The following STOX2 variants were observed in gnomAD, a reference collection of about 807,000 sequenced individuals.
STOX2 encodes the protein storkhead box 2.
STOX2 carries 28 observed loss-of-function variants against 60.9 expected under a neutral mutation model. That is an observed-to-expected ratio of 0.46 (90% CI 0.34 to 0.63). STOX2 has a LOEUF of 0.63. STOX2 is among the 30% of genes least tolerant of loss of function. The pLI is 0.01. For synonymous variants in STOX2, 472 were observed against 463.9 expected, an observed-to-expected ratio of 1.02 and a Z score of -0.22; for missense variants, 1,024 against 1,187.7, an observed-to-expected ratio of 0.86 and a Z score of 2.03.
At chr4:183,842,522 C>T (rs1047945731) in intron 1 of STOX2, among the ~76,000 whole-genome samples, 4 of 152,064 alleles carry the variant, frequency 2.6e-5, no homozygotes, top group Non-Finnish European at 5.9e-5. Flanking sequence ...GGCAATAATA[C>T]AGGAATGTGA....
chr4:183,909,040 T>C (rs1348186661), intron 1 of STOX2, among the ~76,000 whole-genome samples: 3 of 152,208 alleles, frequency 2.0e-5, no homozygotes, highest in East Asian at 3.8e-4. Flanking sequence ...ATACATGGAA[T>C]AAGAAGCAGG....
intron 1 of STOX2, among the ~76,000 whole-genome samples, chr4:183,935,767 A>G (rs1049197648): frequency 6.6e-6 from 1 of 152,216 alleles, no homozygotes; most frequent in Non-Finnish European, 1.5e-5. Context: ...TGTGCCTGGG[A>G]CTAAGGAGTA....
intron 1 of STOX2, among the ~76,000 whole-genome samples, chr4:183,998,737 T>A (rs1733453844): frequency 6.6e-6 from 1 of 152,190 alleles, no homozygotes; most frequent in South Asian, 2.1e-4. Flanking sequence ...AGATGGGGTC[T>A]CATCATGTTG....
intron 1 of STOX2, among the ~76,000 whole-genome samples, chr4:183,919,532 C>T (rs1742036173): frequency 6.6e-6 from 1 of 152,164 alleles, no homozygotes; most frequent in Admixed American, 6.5e-5. Flanking sequence ...TGCTGGTGTG[C>T]TCCTGAAATG....
intron 1 of STOX2, among the ~76,000 whole-genome samples, chr4:183,826,974 T>C (rs942904935): frequency 1.3e-5 from 2 of 152,188 alleles, no homozygotes; most frequent in African/African-American, 4.8e-5. Context: ...AGGCATTACA[T>C]ATAACATGAC....
chr4:184,014,724 A>T, intron 3 of STOX2: 1 of 152,206 alleles, frequency 6.6e-6, no homozygotes, highest in Non-Finnish European at 1.5e-5. Context: ...CAATAATGAA[A>T]TACATTCTTT....
chr4:183,834,662 T>C (rs1263224445), intron 1 of STOX2, among the ~76,000 whole-genome samples: 3 of 152,248 alleles, frequency 2.0e-5, no homozygotes, highest in African/African-American at 7.2e-5. Context: ...CATGTTCTTT[T>C]GGTCTTACAA....
At chr4:183,919,620 T>C (rs912494824) in intron 1 of STOX2, among the ~76,000 whole-genome samples, 1 of 152,142 alleles carries the variant, frequency 6.6e-6, no homozygotes, top group African/African-American at 2.4e-5. Flanking sequence ...ATTGGGATTG[T>C]TTTTTAAGAT....
intron 1 of STOX2, among the ~76,000 whole-genome samples, chr4:183,932,285 A>T (rs1742446990): frequency 6.7e-6 from 1 of 149,840 alleles, no homozygotes; most frequent in African/African-American, 2.5e-5. Context: ...ATATTGATAC[A>T]ATATATTAAT....
At chr4:183,949,865 T>C (rs1743016586) in intron 1 of STOX2, among the ~76,000 whole-genome samples, 1 of 152,228 alleles carries the variant, frequency 6.6e-6, no homozygotes, top group Non-Finnish European at 1.5e-5. Context: ...CCCATTTTTC[T>C]GCTTTGATGT....
chr4:183,850,555 C>G (rs927221956), intron 1 of STOX2, among the ~76,000 whole-genome samples: 1 of 151,822 alleles, frequency 6.6e-6, no homozygotes, highest in East Asian at 2.0e-4. Flanking sequence ...ATGGTGAAAC[C>G]CCGTCTCTAC....
chr4:184,000,580 C>T (rs1292064636), intron 1 of STOX2, among the ~76,000 whole-genome samples: 1 of 152,158 alleles, frequency 6.6e-6, no homozygotes, highest in South Asian at 2.1e-4. Context: ...ACCTACCTGT[C>T]CCCCTTCGCT....
intron 1 of STOX2, among the ~76,000 whole-genome samples, chr4:183,948,218 CAAAAAAAA>C (rs760286920): frequency 1.0e-4 from 3 of 29,874 alleles, no homozygotes; most frequent in South Asian, 3.5e-3. Flanking sequence ...AACTCCATCT[CAAAAAAAA>C]AAAAAAAAAA....
intron 1 of STOX2, among the ~76,000 whole-genome samples, chr4:183,950,916 TAAG>T (rs1053153247): frequency 6.6e-6 from 1 of 152,052 alleles, no homozygotes; most frequent in African/African-American, 2.4e-5. Context: ...CTAGTTTGTT[TAAG>T]AAGGACAGTA....
chr4:183,926,067 TC>T (rs1742233244), intron 1 of STOX2, among the ~76,000 whole-genome samples: 1 of 152,204 alleles, frequency 6.6e-6, no homozygotes, highest in Non-Finnish European at 1.5e-5. Flanking sequence ...TAATTCTGCA[TC>T]CTTAATGACA....
chr4:183,806,447 G>C lies in STOX2; in HGVS notation c.364+8392G>C, dbSNP rs1162756292. 6.6e-6 allele frequency among the ~76,000 whole-genome samples: 1 copy of C among 152,114 alleles called. No individual in the cohort carries two copies. Among genetic ancestry groups the C allele is most frequent in the South Asian group, 2.1e-4 (1 of 4,814 alleles). ...GGAGGGCTTCCTGGTGTCTTGAAGGGGTGGAATCCAGTCTGGGGCGCCCCA... is the reference window on the plus strand; with the variant it reads ...GGAGGGCTTCCTGGTGTCTTGAAGGCGTGGAATCCAGTCTGGGGCGCCCCA... On this transcript the variant is annotated intron_variant, in intron 1 of 2. Transcript: ENST00000513034. This position sits in a 1 kb window ranked among gnomAD's most constrained non-coding sequence, Gnocchi z 4.1.
intron 1 of STOX2, among the ~76,000 whole-genome samples, chr4:183,946,967 T>C (rs1403132959): frequency 6.6e-6 from 1 of 152,092 alleles, no homozygotes; most frequent in East Asian, 1.9e-4. Context: ...TTATGTCTTG[T>C]AAGTAATCTA....
At chr4:183,835,000 T>A (rs976456222) in intron 1 of STOX2, among the ~76,000 whole-genome samples, 3 of 152,116 alleles carry the variant, frequency 2.0e-5, no homozygotes, top group Non-Finnish European at 4.4e-5. Context: ...GCAGAAGATC[T>A]TTAGAGTTTG....
At chr4:183,948,593 G>A (rs866904189) in intron 1 of STOX2, among the ~76,000 whole-genome samples, 4 of 127,614 alleles carry the variant, frequency 3.1e-5, no homozygotes, top group East Asian at 5.1e-4. Context: ...GTGCAGTGGC[G>A]CGATCTTGGC....
Sources: allele counts gnomAD v4.1 joint callset (sites outside exome capture counted in the v4.1 genomes callset), GRCh38; gene constraint gnomAD v4.1.1; non-coding constraint Gnocchi (gnomAD v3.1); transcripts MANE v1.5; gene names NCBI Gene and HGNC (gene_info 2026-07-23, HGNC 2026-07-21).